FHIT: variants seen among roughly 807,000 people sequenced by gnomAD.
The protein encoded by FHIT is fragile histidine triad diadenosine triphosphatase.
Under a neutral mutation model 17.9 loss-of-function variants are expected in FHIT, and 19 were observed. The observed-to-expected ratio is 1.06, with a 90% confidence interval of 0.74 to 1.56. The LOEUF (loss-of-function observed/expected upper bound fraction) is 1.56, where lower values mean the gene tolerates loss of function less well. Ranked by LOEUF, FHIT falls within the 40% of genes most tolerant of loss-of-function variation. The probability of loss-of-function intolerance (pLI) is 0.00; values close to 1 mark genes in which losing one functional copy is unlikely to be tolerated. For missense variants in FHIT, 248 were observed against 189.2 expected (o/e 1.31, Z -1.82); for synonymous variants, 81 against 69.7 (o/e 1.16, Z -0.81).
chr3:60,221,674 G>A (rs1274274731), intron 5 of FHIT, among the ~76,000 whole-genome samples: 1 of 152,058 alleles, frequency 6.6e-6, no homozygotes, highest in Non-Finnish European at 1.5e-5. Context: ...TGTAATCCCA[G>A]CTCATAGTCA....
At chr3:61,010,889 AAAT>A (rs2031751379) in intron 3 of FHIT, among the ~76,000 whole-genome samples, 2 of 152,224 alleles carry the variant, frequency 1.3e-5, no homozygotes. Flanking sequence ...AATATAACCT[AAAT>A]AATTCCATTG....
chr3:60,685,857 T>A (rs2040850765), intron 4 of FHIT, among the ~76,000 whole-genome samples: 1 of 152,200 alleles, frequency 6.6e-6, no homozygotes, highest in Non-Finnish European at 1.5e-5. Flanking sequence ...CAAACATACA[T>A]ATTCTTAAAA....
chr3:61,100,931 T>G (rs1283137693), intron 2 of FHIT, among the ~76,000 whole-genome samples: 2 of 152,240 alleles, frequency 1.3e-5, no homozygotes, highest in African/African-American at 4.8e-5. Context: ...GTAAATTTGT[T>G]TGAGTTCTTT....
intron 5 of FHIT, among the ~76,000 whole-genome samples, chr3:60,198,184 G>T (rs1222221152): frequency 6.6e-6 from 1 of 152,096 alleles, no homozygotes; most frequent in East Asian, 1.9e-4. Flanking sequence ...TCCAGGTCCA[G>T]TTCAGCACTT....
Position 59,902,328 on chromosome 3 carries a change from G to C in FHIT, c.348+20018C>G, listed in dbSNP as rs1704366527. On this transcript the variant is annotated intron_variant, in intron 8 of 9. Coordinates refer to ENST00000492590, the MANE Select transcript of FHIT (RefSeq NM_002012.4). ...AGTATTGCTGAGGGTGTGTAGAAAAGGGAACCCTTCTTGGTAGAAATGTAA... is the reference window on the plus strand; with the variant it reads ...AGTATTGCTGAGGGTGTGTAGAAAACGGAACCCTTCTTGGTAGAAATGTAA... Among the ~76,000 whole-genome samples the C allele has an allele frequency of 2.0e-5, 3 of 151,990 alleles. No individual in the cohort carries two copies. In the South Asian group the frequency reaches 6.2e-4, roughly 32 times the overall value.
At chr3:60,498,644 A>C (rs1286543921) in intron 5 of FHIT, among the ~76,000 whole-genome samples, 1 of 152,184 alleles carries the variant, frequency 6.6e-6, no homozygotes, top group East Asian at 1.9e-4. Context: ...TTTGTCAAGA[A>C]GGTCAAATAT....
At chr3:61,130,642 C>T (rs878895372) in intron 2 of FHIT, among the ~76,000 whole-genome samples, 1 of 152,132 alleles carries the variant, frequency 6.6e-6, no homozygotes, top group Non-Finnish European at 1.5e-5. Context: ...AAGAGGCACA[C>T]GAACACAGGA....
chr3:60,296,476 C>G (rs1021264227), intron 5 of FHIT, among the ~76,000 whole-genome samples: 3 of 152,012 alleles, frequency 2.0e-5, no homozygotes, highest in African/African-American at 7.2e-5. Flanking sequence ...CTGTCCATGT[C>G]TTTTGCCCAT....
intron 5 of FHIT, among the ~76,000 whole-genome samples, chr3:60,339,979 G>C (rs1297320664): frequency 1.3e-5 from 2 of 152,078 alleles, no homozygotes; most frequent in Non-Finnish European, 2.9e-5. Context: ...AAACAGATGG[G>C]TTTTGACACC....
chr3:60,661,938 T>C (rs1029028760), intron 4 of FHIT, among the ~76,000 whole-genome samples: 1 of 152,322 alleles, frequency 6.6e-6, no homozygotes, highest in Middle Eastern at 3.4e-3. Context: ...GAGTTCCTTA[T>C]AGATTCTGGA....
chr3:60,551,666 A>C (rs1239474173), intron 4 of FHIT, among the ~76,000 whole-genome samples: 1 of 144,694 alleles, frequency 6.9e-6, no homozygotes, highest in Non-Finnish European at 1.5e-5. Context: ...AGACCATGGC[A>C]CGAAATGCCT....
chr3:60,942,411 T>A (rs891103995), intron 3 of FHIT, among the ~76,000 whole-genome samples: 1 of 152,304 alleles, frequency 6.6e-6, no homozygotes, highest in South Asian at 2.1e-4. Context: ...ATCATGGATA[T>A]ATATACATAG....
intron 5 of FHIT, among the ~76,000 whole-genome samples, chr3:60,318,192 A>G (rs926842364): frequency 3.3e-5 from 5 of 152,218 alleles, no homozygotes; most frequent in African/African-American, 9.6e-5. Flanking sequence ...GGACATTAAA[A>G]TGTTTGAAAA....
chr3:60,580,734 A>T (rs1366959076), intron 4 of FHIT, among the ~76,000 whole-genome samples: 1 of 152,058 alleles, frequency 6.6e-6, no homozygotes, highest in Non-Finnish European at 1.5e-5. Context: ...CTTCCTTACA[A>T]AAGTTTCTTC....
intron 5 of FHIT, among the ~76,000 whole-genome samples, chr3:60,164,714 C>T (rs1701086323): frequency 6.6e-6 from 1 of 152,148 alleles, no homozygotes; most frequent in African/African-American, 2.4e-5. Flanking sequence ...GATCTGCCTA[C>T]CACTGGGCTT....
intron 4 of FHIT, among the ~76,000 whole-genome samples, chr3:60,618,673 G>A (rs1190751832): frequency 2.6e-5 from 4 of 152,160 alleles, no homozygotes; most frequent in Non-Finnish European, 4.4e-5. Context: ...AATATGTTAT[G>A]CAAAAAGATT....
chr3:60,999,980 A>G (rs1412933184), intron 3 of FHIT, among the ~76,000 whole-genome samples: 1 of 152,078 alleles, frequency 6.6e-6, no homozygotes, highest in Non-Finnish European at 1.5e-5. Context: ...TTGTATAGGC[A>G]CTAATCCCAT....
intron 5 of FHIT, among the ~76,000 whole-genome samples, chr3:60,321,538 C>T (rs1709433451): frequency 6.6e-6 from 1 of 152,098 alleles, no homozygotes; most frequent in Non-Finnish European, 1.5e-5. Context: ...GATGCATAAT[C>T]AGGCATTGAG....
intron 2 of FHIT, among the ~76,000 whole-genome samples, chr3:61,072,215 C>T (rs1375811967): frequency 1.3e-5 from 2 of 152,292 alleles, no homozygotes; most frequent in East Asian, 3.9e-4. Context: ...TCTCCCTCCC[C>T]TTCCTTTCTA....
Sources: gnomAD v4.1 joint callset for allele counts (sites outside exome capture counted in the v4.1 genomes callset) on GRCh38, gnomAD v4.1.1 for gene constraint, MANE v1.5 for transcripts, NCBI Gene and HGNC (gene_info 2026-07-23, HGNC 2026-07-21) for gene names.